NELL2: variants seen among roughly 807,000 people sequenced by gnomAD.
NELL2 encodes the protein protein kinase C-binding protein NELL2.
Under a neutral mutation model 109.6 loss-of-function variants are expected in NELL2, and 41 were observed. The observed-to-expected ratio is 0.37, with a 90% confidence interval of 0.29 to 0.49. The LOEUF (loss-of-function observed/expected upper bound fraction) is 0.49. Among genes scored for constraint, NELL2 ranks in the 20% least tolerant of loss-of-function variants. The pLI is 0.98. For missense variants in NELL2, 900 were observed against 1,008.3 expected (o/e 0.89, Z 1.45); for synonymous variants, 355 against 344.7 (o/e 1.03, Z -0.33).
At chr12:44,644,604 G>GTATATATATATATATATATATATATATA (rs1555190872) in intron 13 of NELL2, among the ~76,000 whole-genome samples, 1 of 81,272 alleles carries the variant, frequency 1.2e-5, no homozygotes, top group Non-Finnish European at 2.2e-5. Flanking sequence ...ATATATATAT[G>GTATATATATATATATATATATATATATA]TATGTATATA....
chr12:44,791,168 T>C lies in NELL2; in HGVS notation c.336-11146A>G, dbSNP rs4768573. On this transcript the variant is annotated intron_variant, in intron 3 of 19. Transcript: ENST00000429094. ...ACACACATACACACACACACACACATATATAGTATTCCATCATATATATAT... is the reference window on the plus strand; with the variant it reads ...ACACACATACACACACACACACACACATATAGTATTCCATCATATATATAT... Among the ~76,000 whole-genome samples, 122 of 85,056 alleles carry C rather than the reference T, an allele frequency of 1.4e-3. 1 individual carries two copies. The highest frequency in any genetic ancestry group is 2.2e-3 in the Non-Finnish European group (99 of 44,628). 55.8% of individuals were successfully genotyped at this position (85,056 alleles called of 152,430 possible).
intron 3 of NELL2, among the ~76,000 whole-genome samples, chr12:44,799,575 A>G (rs1942760289): frequency 6.6e-6 from 1 of 152,168 alleles, no homozygotes; most frequent in Non-Finnish European, 1.5e-5. Context: ...ACTTTATAAT[A>G]TATTATATTC....
chr12:44,887,505 T>C (rs553707036), intron 1 of NELL2, among the ~76,000 whole-genome samples: 2 of 152,132 alleles, frequency 1.3e-5, no homozygotes, highest in South Asian at 4.1e-4. Context: ...ATTTTGCATT[T>C]ATCTGGTGAT....
upstream of NELL2, among the ~76,000 whole-genome samples, chr12:44,880,017 A>G (rs1016495358): frequency 6.6e-6 from 1 of 151,842 alleles, no homozygotes; most frequent in Non-Finnish European, 1.5e-5. Flanking sequence ...CTGGTACACA[A>G]GAAGAAAATT....
chr12:44,579,050 G>T (rs1324210855), intron 15 of NELL2, among the ~76,000 whole-genome samples: 1 of 152,122 alleles, frequency 6.6e-6, no homozygotes, highest in African/African-American at 2.4e-5. Context: ...ATTTTGATAT[G>T]TCCTTTTCAT....
chr12:44,672,551 CCAG>C (rs2136352897), intron 12 of NELL2, among the ~76,000 whole-genome samples: 1 of 152,264 alleles, frequency 6.6e-6, no homozygotes, highest in East Asian at 1.9e-4. Flanking sequence ...GTAGCCTACC[CCAG>C]CAGAAGTAGC....
intron 19 of NELL2, among the ~76,000 whole-genome samples, chr12:44,517,202 T>C (rs1341854091): frequency 1.3e-5 from 2 of 152,290 alleles, no homozygotes; most frequent in East Asian, 3.9e-4. Context: ...GTCCTGATCA[T>C]ATATTAAAAG....
At chr12:44,865,028 C>T (rs969587482) in intron 2 of NELL2, among the ~76,000 whole-genome samples, 6 of 136,092 alleles carry the variant, frequency 4.4e-5, no homozygotes, top group Non-Finnish European at 9.4e-5. Flanking sequence ...CTCTCCAGCA[C>T]CTGTTGTTTC....
intron 11 of NELL2, among the ~76,000 whole-genome samples, chr12:44,705,269 T>C (rs1484081855): frequency 2.6e-5 from 4 of 151,868 alleles, no homozygotes; most frequent in Non-Finnish European, 5.9e-5. Context: ...TTAAGAAGAG[T>C]AATGTTCCAA....
intron 2 of NELL2, among the ~76,000 whole-genome samples, chr12:44,865,971 A>C (rs1480671838): frequency 2.0e-5 from 3 of 152,196 alleles, no homozygotes; most frequent in Non-Finnish European, 4.4e-5. Flanking sequence ...GATATTATCA[A>C]GAGGTGGGGC....
At chr12:44,542,195 A>G (rs1942602976) in intron 15 of NELL2, among the ~76,000 whole-genome samples, 1 of 152,118 alleles carries the variant, frequency 6.6e-6, no homozygotes, top group Non-Finnish European at 1.5e-5. Context: ...TCAGTAGTTC[A>G]TCACTCCTTC....
chr12:44,779,711 G>T lies in NELL2; in HGVS notation c.558C>A (p.Gly186=), dbSNP rs1347805569. Residue 186 remains glycine (G), a synonymous_variant, in exon 5 of 20, where the codon GGC becomes GGA. Transcript: ENST00000429094. ...TTCTCTGTCCTAGCCAAAATGTTGTGCCTAGAGGCAAGTCTGTGGAGGGCT... is the reference window on the plus strand; with the variant it reads ...TTCTCTGTCCTAGCCAAAATGTTGTTCCTAGAGGCAAGTCTGTGGAGGGCT... The part of the protein sequence containing the change: ...VEKPSTDLPL[G]TTFWLGQRNN... 3 of 1,613,824 alleles carry T rather than the reference G, an allele frequency of 1.9e-6. No individual in the cohort carries two copies. The highest frequency in any genetic ancestry group is 2.5e-6 in the Non-Finnish European group (3 of 1,179,896).
chr12:44,624,728 C>G (rs1946175910), intron 13 of NELL2, among the ~76,000 whole-genome samples: 1 of 151,984 alleles, frequency 6.6e-6, no homozygotes, highest in Admixed American at 6.6e-5. Flanking sequence ...CAAGTAGCCT[C>G]CAGGGCCTCT....
chr12:44,669,355 T>C (rs1948058011), intron 12 of NELL2, among the ~76,000 whole-genome samples: 1 of 151,748 alleles, frequency 6.6e-6, no homozygotes, highest in Non-Finnish European at 1.5e-5. Context: ...AAACATGACA[T>C]CTCCAAAGGA....
At chr12:44,693,223 T>G (rs75857568) in intron 12 of NELL2, among the ~76,000 whole-genome samples, 8,964 of 152,212 alleles carry the variant, frequency 0.059, 878 homozygotes, top group African/African-American at 0.2. Context: ...AAAATATTAT[T>G]ATGACTCTCT....
chr12:44,748,617 A>T (rs1940504913), intron 9 of NELL2, among the ~76,000 whole-genome samples: 1 of 152,144 alleles, frequency 6.6e-6, no homozygotes. Flanking sequence ...CTGAGTGTTG[A>T]GAAATGCTTA....
At chr12:44,665,439 C>A (rs1304404696) in intron 13 of NELL2, 45 bp downstream of exon 13, 3 of 1,527,352 alleles carry the variant, frequency 2.0e-6, no homozygotes, top group African/African-American at 1.4e-5. Flanking sequence ...TAAAAGTAAA[C>A]TTAAGACATA....
At chr12:44,894,648 G>C (rs1252393759) in intron 1 of NELL2, among the ~76,000 whole-genome samples, 1 of 152,146 alleles carries the variant, frequency 6.6e-6, no homozygotes, top group Admixed American at 6.5e-5. Context: ...ATGTCTCACA[G>C]ATGTGCAATG....
intron 15 of NELL2, among the ~76,000 whole-genome samples, chr12:44,598,854 TACACAC>T (rs754118280): frequency 5.1e-5 from 6 of 118,496 alleles, no homozygotes; most frequent in African/African-American, 1.0e-4. Flanking sequence ...AAGAAAGAAA[TACACAC>T]ACACACACAC....
Sources: gnomAD v4.1 joint callset for allele counts (sites outside exome capture counted in the v4.1 genomes callset) on GRCh38, gnomAD v4.1.1 for gene constraint, MANE v1.5 for transcripts, NCBI Gene and HGNC (gene_info 2026-07-23, HGNC 2026-07-21) for gene names.